The following MAGI2 variants were observed in gnomAD, a reference collection of about 807,000 sequenced individuals.
MAGI2 encodes the protein membrane-associated guanylate kinase, WW and PDZ domain-containing protein 2.
MAGI2 carries 35 observed loss-of-function variants against 133.3 expected under a neutral mutation model. The observed-to-expected ratio is 0.26, with a 90% confidence interval of 0.20 to 0.35. The LOEUF (loss-of-function observed/expected upper bound fraction) is 0.35. MAGI2 is among the 10% of genes least tolerant of loss of function. MAGI2 has a pLI of 1.00. For missense variants in MAGI2, 1,636 were observed against 1,863.4 expected, an observed-to-expected ratio of 0.88 and a Z score of 2.25; for synonymous variants, 729 against 710.6, an observed-to-expected ratio of 1.03 and a Z score of -0.41.
intron 3 of MAGI2, among the ~76,000 whole-genome samples, chr7:78,555,440 CAT>C (rs1354856574): frequency 1.3e-5 from 2 of 151,724 alleles, no homozygotes; most frequent in South Asian, 2.1e-4. Flanking sequence ...TATATGGACA[CAT>C]ATAAAAAAAC....
chr7:78,251,072 T>G (rs538420739), intron 10 of MAGI2, among the ~76,000 whole-genome samples: 1 of 152,286 alleles, frequency 6.6e-6, no homozygotes, highest in South Asian at 2.1e-4. Context: ...GAACATTAAA[T>G]TAGTTCAATA....
At chr7:79,027,280 G>C (rs1189604784) in intron 1 of MAGI2, among the ~76,000 whole-genome samples, 1 of 151,496 alleles carries the variant, frequency 6.6e-6, no homozygotes, top group Non-Finnish European at 1.5e-5. Flanking sequence ...CCATTTCATG[G>C]AATCAACCTA....
chr7:79,224,618 T>C (rs1830693891), intron 1 of MAGI2, among the ~76,000 whole-genome samples: 1 of 152,046 alleles, frequency 6.6e-6, no homozygotes, highest in Admixed American at 6.6e-5. Flanking sequence ...CATCCATCAA[T>C]GGAATACCAC....
chr7:79,037,358 A>G (rs1562816972), intron 1 of MAGI2, among the ~76,000 whole-genome samples: 4 of 152,136 alleles, frequency 2.6e-5, no homozygotes, highest in Admixed American at 6.5e-5. Context: ...ACTACGTACT[A>G]GGAATTGTTG....
chr7:79,144,346 G>A (rs927041993), intron 1 of MAGI2, among the ~76,000 whole-genome samples: 4 of 152,132 alleles, frequency 2.6e-5, no homozygotes, highest in Non-Finnish European at 5.9e-5. Context: ...CATGGGGACA[G>A]ATTTCCCCTT....
intron 1 of MAGI2, among the ~76,000 whole-genome samples, chr7:79,320,336 A>G (rs904390302): frequency 2.0e-5 from 3 of 152,178 alleles, no homozygotes; most frequent in Non-Finnish European, 4.4e-5. Context: ...AAAGAAAGCA[A>G]TATATTAAAA....
At chr7:78,030,568 C>T (rs1427180741) in intron 21 of MAGI2, among the ~76,000 whole-genome samples, 6 of 152,016 alleles carry the variant, frequency 3.9e-5, no homozygotes, top group South Asian at 2.1e-4. Flanking sequence ...ATCCAATTAT[C>T]GAATGGACAG....
At chr7:79,124,947 T>G in intron 1 of MAGI2, 1 of 290,830 alleles carries the variant, frequency 3.4e-6, no homozygotes, top group South Asian at 3.7e-5. Flanking sequence ...GATGCAGCCC[T>G]GAATTAAAAG....
chr7:78,775,310 C>A (rs1390115289), intron 2 of MAGI2, among the ~76,000 whole-genome samples: 1 of 87,374 alleles, frequency 1.1e-5, no homozygotes, highest in Non-Finnish European at 2.1e-5. Context: ...GAGACTCTGT[C>A]GTCTCAAATT....
chr7:79,187,810 C>T (rs1281550712), intron 1 of MAGI2, among the ~76,000 whole-genome samples: 1 of 151,638 alleles, frequency 6.6e-6, no homozygotes, highest in Non-Finnish European at 1.5e-5. Flanking sequence ...TTACTTATTC[C>T]TAAGAAGGAC....
At chr7:78,531,327 C>T (rs1453994742) in intron 3 of MAGI2, among the ~76,000 whole-genome samples, 1 of 151,362 alleles carries the variant, frequency 6.6e-6, no homozygotes, top group East Asian at 1.9e-4. Context: ...GATTCTCCTG[C>T]CTCAGTCTCC....
intron 10 of MAGI2, among the ~76,000 whole-genome samples, chr7:78,227,684 T>C (rs1049175188): frequency 6.6e-6 from 1 of 152,222 alleles, no homozygotes; most frequent in Non-Finnish European, 1.5e-5. Context: ...AATGAAATGA[T>C]GTTCTCTTCA....
At chr7:78,277,625 C>T (rs1795177098) in intron 9 of MAGI2, among the ~76,000 whole-genome samples, 1 of 152,072 alleles carries the variant, frequency 6.6e-6, no homozygotes, top group African/African-American at 2.4e-5. Flanking sequence ...AGAGAAGAGT[C>T]ATTAGTGTAG....
intron 1 of MAGI2, among the ~76,000 whole-genome samples, chr7:79,135,766 C>T (rs1034724291): frequency 1.4e-4 from 21 of 151,678 alleles, no homozygotes; most frequent in African/African-American, 5.1e-4. Flanking sequence ...CATAGCAATA[C>T]TCTGTCTCTA....
chr7:78,927,791 A>T (rs568232316), intron 2 of MAGI2, among the ~76,000 whole-genome samples: 19 of 151,900 alleles, frequency 1.3e-4, no homozygotes, highest in Admixed American at 3.3e-4. Flanking sequence ...CCATTTCTGA[A>T]TTTTGTCCAG....
intron 2 of MAGI2, among the ~76,000 whole-genome samples, chr7:78,817,773 G>A (rs1323689874): frequency 1.3e-5 from 2 of 151,186 alleles, no homozygotes; most frequent in South Asian, 2.1e-4. Flanking sequence ...GCTGTGGTGC[G>A]ATCTTGGCTT....
intron 1 of MAGI2, among the ~76,000 whole-genome samples, chr7:79,208,876 G>A (rs111278659): frequency 0.023 from 3,555 of 151,962 alleles, 53 homozygotes; most frequent in Non-Finnish European, 0.034. Context: ...CCTGTCATTC[G>A]TGACAACATA....
At chr7:79,170,307 G>C (rs924397293) in intron 1 of MAGI2, among the ~76,000 whole-genome samples, 2 of 151,100 alleles carry the variant, frequency 1.3e-5, no homozygotes, top group Admixed American at 6.6e-5. Flanking sequence ...TGAGTAGCTG[G>C]GACTACAGGC....
chr7:78,910,995 C>A (rs1012575466), intron 2 of MAGI2, among the ~76,000 whole-genome samples: 1 of 152,168 alleles, frequency 6.6e-6, no homozygotes, highest in African/African-American at 2.4e-5. Context: ...AGTAAGTTGC[C>A]TTGTAACTCC....
Sources: allele counts gnomAD v4.1 joint callset (sites outside exome capture counted in the v4.1 genomes callset), GRCh38; gene constraint gnomAD v4.1.1; transcripts MANE v1.5; gene names NCBI Gene and HGNC (gene_info 2026-07-23, HGNC 2026-07-21).